The following CKAP4 variants were observed in gnomAD, a reference collection of about 807,000 sequenced individuals.
CKAP4 encodes the protein cytoskeleton associated protein 4, also known as cytoskeleton-associated protein 4.
Under a neutral mutation model 24.4 loss-of-function variants are expected in CKAP4, and 20 were observed. The ratio of observed to expected loss-of-function variants is 0.82; its 90% CI spans 0.58 to 1.19. CKAP4 has a LOEUF of 1.19. Ranked by LOEUF, CKAP4 falls within the 50% of genes most tolerant of loss-of-function variation. CKAP4 has a pLI of 0.00. For missense variants in CKAP4, 744 were observed against 765.3 expected (o/e 0.97, Z 0.33); for synonymous variants, 378 against 351.7 (o/e 1.07, Z -0.84).
rs761532665 is a variant in CKAP4 at position 106,238,976 on chromosome 12, G to C, written c.*48C>G. ...ATGGGAAAAAACCACACATTTTTTGGTCATGAGAAATTGGACTTTAAATCC... is the reference window on the plus strand; with the variant it reads ...ATGGGAAAAAACCACACATTTTTTGCTCATGAGAAATTGGACTTTAAATCC... On this transcript the variant is annotated 3_prime_UTR_variant, in exon 2 of 2. Transcript: ENST00000378026. 1.9e-6 allele frequency: 3 copies of C among 1,580,352 alleles called. No individual in the cohort carries two copies. Among genetic ancestry groups the C allele is most frequent in the South Asian group, 2.3e-5 (2 of 86,190 alleles).
chr12:106,241,142 A>G (rs1356186357), intron 1 of CKAP4, among the ~76,000 whole-genome samples: 2 of 152,262 alleles, frequency 1.3e-5, no homozygotes, highest in African/African-American at 4.8e-5. Context: ...ATAATCAAGA[A>G]CTGTGATTCT....
At chr12:106,240,921 T>C (rs2033964893) in intron 1 of CKAP4, among the ~76,000 whole-genome samples, 2 of 151,776 alleles carry the variant, frequency 1.3e-5, no homozygotes, top group Admixed American at 6.6e-5. Context: ...GGATCTTCTA[T>C]AGATCCTGAT....
intron 1 of CKAP4, among the ~76,000 whole-genome samples, chr12:106,244,499 C>T (rs1565949421): frequency 6.6e-6 from 1 of 152,194 alleles, no homozygotes; most frequent in Non-Finnish European, 1.5e-5. Flanking sequence ...GAAAAGTGGT[C>T]AGCCAGGCGC....
At chr12:106,241,374 C>CCAG (rs1184214934) in intron 1 of CKAP4, among the ~76,000 whole-genome samples, 1 of 148,828 alleles carries the variant, frequency 6.7e-6, no homozygotes, top group Non-Finnish European at 1.5e-5. Context: ...GCTCTGTCGC[C>CCAG]CAGGCTGGAG....
chr12:106,243,549 T>C (rs1388233618), intron 1 of CKAP4, among the ~76,000 whole-genome samples: 1 of 152,224 alleles, frequency 6.6e-6, no homozygotes, highest in East Asian at 1.9e-4. Flanking sequence ...AGCCTACTCC[T>C]ACCATTGCTT....
chr12:106,238,847 A>T lies in CKAP4; in HGVS notation c.*177T>A. 1.4e-6 allele frequency: 1 copy of T among 699,772 alleles called. No homozygotes were observed. The highest frequency in any genetic ancestry group is 1.9e-5 in the South Asian group (1 of 53,614). The allele number at this position is 699,772 out of a possible 1,614,324, so 43.3% of individuals were successfully genotyped here. On this transcript the variant is annotated 3_prime_UTR_variant, in exon 2 of 2. Coordinates refer to ENST00000378026, the MANE Select transcript of CKAP4 (RefSeq NM_006825.4). ...CCAAATGCAGAAGCAGAGAACTTAA[A>T]TATTGTAAATAAGTTAACTGGGCAT...
chr12:106,238,866 TG>T lies in CKAP4; in HGVS notation c.*157del. 1.3e-6 allele frequency: 1 copy of T among 767,490 alleles called. No homozygotes were observed. The highest frequency in any genetic ancestry group is 2.1e-6 in the Non-Finnish European group (1 of 466,524). The allele number at this position is 767,490 out of a possible 1,614,324, so 47.5% of individuals were successfully genotyped here. A position where few individuals can be genotyped will look rare whatever the true frequency, so the allele number is the denominator to read the frequency against. ...ACTTAAATATTGTAAATAAGTTAAC[TG>T]GGCATGAAAATACAATGCCTTGGTG... On this transcript the variant is annotated 3_prime_UTR_variant, in exon 2 of 2. Coordinates refer to ENST00000378026, the MANE Select transcript of CKAP4 (RefSeq NM_006825.4).
chr12:106,245,405 T>C (rs1016890046), intron 1 of CKAP4, among the ~76,000 whole-genome samples: 4 of 152,134 alleles, frequency 2.6e-5, no homozygotes, highest in Non-Finnish European at 4.4e-5. Context: ...GACTAGTAAG[T>C]AGGAGGATGA....
At chr12:106,246,509 G>A (rs933817053) in intron 1 of CKAP4, among the ~76,000 whole-genome samples, 44 of 152,266 alleles carry the variant, frequency 2.9e-4, no homozygotes, top group African/African-American at 9.6e-4. Context: ...TTGGGAGGCC[G>A]AGGCAGGCGG....
chr12:106,247,687 C>T lies in CKAP4; in HGVS notation c.165G>A (p.Pro55=), dbSNP rs1384911602. The T allele has an allele frequency of 3.7e-6, 4 of 1,074,918 alleles. No homozygotes were observed. The highest frequency in any genetic ancestry group is 2.3e-6 in the Non-Finnish European group (2 of 888,672). The allele number at this position is 1,074,918 out of a possible 1,614,324, so 66.6% of individuals were successfully genotyped here. The change falls in exon 1 of 2, where the codon CCG becomes CCA. Residue 55 remains proline (P), a synonymous_variant. Transcript: ENST00000378026. The surrounding 1 kb of genome is among the most constrained non-coding windows in gnomAD (Gnocchi z 4.5). ...GCGCCTGGTTCTGCGGGTGCTGCTGCGGGTGCTGCTGCGGGTGCGGCGCGG... is the reference window on the plus strand; with the variant it reads ...GCGCCTGGTTCTGCGGGTGCTGCTGTGGGTGCTGCTGCGGGTGCGGCGCGG... ...PPPAPHPQQH[P]QQHPQNQAHG... is the part of the protein sequence containing the mutation.
Position 106,238,935 on chromosome 12 carries a change from G to T in CKAP4, c.*89C>A. The stretch of plus-strand genomic sequence containing the variant: ...GCTCTTTAAGAGGGGACAAGAAATT[G>T]GGGGGTAGGGGACACATGGGAAAAA... On this transcript the variant is annotated 3_prime_UTR_variant, in exon 2 of 2. Coordinates refer to ENST00000378026, the MANE Select transcript of CKAP4 (RefSeq NM_006825.4). The T allele has an allele frequency of 5.0e-6, 7 of 1,410,936 alleles. No individual in the cohort carries two copies. The highest frequency in any genetic ancestry group is 5.8e-6 in the Non-Finnish European group (6 of 1,025,964). 87.4% of individuals were successfully genotyped at this position (1,410,936 alleles called of 1,614,324 possible).
At chr12:106,243,741 A>G (rs1336514681) in intron 1 of CKAP4, among the ~76,000 whole-genome samples, 1 of 152,222 alleles carries the variant, frequency 6.6e-6, no homozygotes, top group Non-Finnish European at 1.5e-5. Context: ...CAATAACAAG[A>G]ACATCTGGAG....
rs1485214566 is a variant in CKAP4, at chr12:106,238,001, T to TTTC, written c.*1022_*1023insGAA. ...TTTTTTTACTTTTCGGGTTTTTTTT[T>TTTC]TTTTTTTTTTTTCAATTTTTTTTGG... On this transcript the variant is annotated 3_prime_UTR_variant, in exon 2 of 2. Coordinates refer to ENST00000378026, the MANE Select transcript of CKAP4 (RefSeq NM_006825.4). 3.7e-4 allele frequency: 54 copies of TTTC among 146,228 alleles called. No homozygotes were observed. Among genetic ancestry groups the TTTC allele is most frequent in the Non-Finnish European group, 7.3e-4 (49 of 66,710 alleles). The allele number at this position is 146,228 out of a possible 1,614,324, so 9.1% of individuals were successfully genotyped here.
At chr12:106,242,905 T>C (rs1009841675) in intron 1 of CKAP4, among the ~76,000 whole-genome samples, 39 of 152,184 alleles carry the variant, frequency 2.6e-4, no homozygotes, top group African/African-American at 8.9e-4. Context: ...AGAAATTATA[T>C]CCAACCCCCA....
chr12:106,245,838 G>A (rs538741054), intron 1 of CKAP4, among the ~76,000 whole-genome samples: 4 of 151,836 alleles, frequency 2.6e-5, no homozygotes, highest in Admixed American at 6.5e-5. Flanking sequence ...CAGGTGATCC[G>A]CCCGCCTCGG....
chr12:106,247,583 GC>G lies in CKAP4; in HGVS notation c.268del (p.Ala90ProfsTer87). 1 of 1,410,336 alleles carries G rather than the reference GC, an allele frequency of 7.1e-7. No homozygotes were observed. The highest frequency in any genetic ancestry group is 9.2e-7 in the Non-Finnish European group (1 of 1,082,198). The allele number at this position is 1,410,336 out of a possible 1,614,324, so 87.4% of individuals were successfully genotyped here. The part of the protein sequence containing the change: ...SSSSSASAAA[A>X]AAAASSSASC... ...CGCCGAGGACGAGGCGGCGGCGGCG[GC>G]AGCGGCGGCGGAGGCGGAGGAGGAG... On this transcript the variant is annotated frameshift_variant, in exon 1 of 2. Transcript: ENST00000378026. The surrounding 1 kb of genome is among the most constrained non-coding windows in gnomAD (Gnocchi z 4.5).
At chr12:106,244,343 C>T (rs2033990407) in intron 1 of CKAP4, among the ~76,000 whole-genome samples, 1 of 152,224 alleles carries the variant, frequency 6.6e-6, no homozygotes, top group Non-Finnish European at 1.5e-5. Context: ...TCAAAGAGGG[C>T]TGATAATAGT....
At position 106,247,343 on chromosome 12, in the gene CKAP4, A is replaced by G; in HGVS notation, c.483+26T>C. The G allele has an allele frequency of 6.6e-7, 1 of 1,513,218 alleles. No individual in the cohort carries two copies. The highest frequency in any genetic ancestry group is 8.8e-7 in the Non-Finnish European group (1 of 1,134,062). The allele number at this position is 1,513,218 out of a possible 1,614,324, so 93.7% of individuals were successfully genotyped here. A position where few individuals can be genotyped will look rare whatever the true frequency, so the allele number is the denominator to read the frequency against. On this transcript the variant is annotated intron_variant, in intron 1 of 1. Transcript: ENST00000378026. This position sits in a 1 kb window ranked among gnomAD's most constrained non-coding sequence, Gnocchi z 4.5. The stretch of plus-strand genomic sequence containing the variant: ...GGTCCGGAGGCCGCAGTCGATGGGG[A>G]CAGTTGCGGGGCCGGGGGTACCCAC...
In CKAP4 at chr12:106,240,245, C is replaced by T. The variant is rs772500542; in HGVS notation, c.588G>A (p.Glu196=). The T allele has an allele frequency of 3.1e-6, 5 of 1,614,168 alleles. No individual in the cohort carries two copies. The highest frequency in any genetic ancestry group is 2.2e-5 in the South Asian group (2 of 91,080). ...GCAGCACTTCGCTGATCCGGCTGAC[C>T]TCACTCTCCCCTTGCTTCACAGCTT... ...TEKAVKQGES[E]VSRISEVLQK... is the part of the protein sequence containing the mutation. Residue 196 remains glutamate (E), a synonymous_variant, in exon 2 of 2, where the codon GAG becomes GAA. Coordinates refer to ENST00000378026, the MANE Select transcript of CKAP4 (RefSeq NM_006825.4).
Sources: allele counts gnomAD v4.1 joint callset (sites outside exome capture counted in the v4.1 genomes callset), GRCh38; gene constraint gnomAD v4.1.1; non-coding constraint Gnocchi (gnomAD v3.1); transcripts MANE v1.5; gene names NCBI Gene and HGNC (gene_info 2026-07-23, HGNC 2026-07-21).